MAST1: variants seen among roughly 807,000 people sequenced by gnomAD.
MAST1 encodes the protein microtubule associated serine/threonine kinase 1.
A neutral mutation model predicts 124.6 loss-of-function variants in MAST1; 40 were observed. The ratio of observed to expected loss-of-function variants is 0.32; its 90% CI spans 0.25 to 0.42. MAST1 has a LOEUF of 0.42. Ranked by LOEUF, MAST1 falls within the 10% of genes least tolerant of loss-of-function variation. MAST1 has a pLI of 1.00. For missense variants in MAST1, 1,558 were observed against 2,181.9 expected (o/e 0.71, Z 5.70); for synonymous variants, 938 against 939.4 (o/e 1.00, Z 0.03).
Position 12,852,379 on chromosome 19 carries a change from A to G in MAST1, c.1061A>G (p.Gln354Arg). The G allele has an allele frequency of 6.2e-7, 1 of 1,614,108 alleles. No individual in the cohort carries two copies. The highest frequency in any genetic ancestry group is 8.5e-7 in the Non-Finnish European group (1 of 1,180,010). ...QDSGGSNTPE[Q>R]DDLSEGRSSK... ...AGTGGTGGTTCCAACACCCCTGAGC[A>G]AGACGATCTCTCTGAGGTAAGGCTG... Residue 354 changes from glutamine (Q) to arginine (R), a missense_variant, in exon 10 of 26, where the codon CAA becomes CGA. By Grantham distance (43) the Gln-to-Arg change is conservative (BLOSUM62 1). Around this residue, in one of 10 missense-constraint regions of MAST1, gnomAD observed 136 missense variants for 160.9 expected, o/e 0.85. Transcript: ENST00000251472.
In MAST1 at chr19:12,865,925, G is replaced by T. The variant is rs1465909825; in HGVS notation, c.1907-55G>T. 2 of 1,611,488 alleles carry T rather than the reference G, an allele frequency of 1.2e-6. No homozygotes were observed. Among genetic ancestry groups the T allele is most frequent in the Non-Finnish European group, 1.7e-6 (2 of 1,178,604 alleles). ...CCCCGGGGCGGAAGACATGGGGGGCGGGGCTGGGCTGCTGGGTTGGCCATC... is the reference window on the plus strand; with the variant it reads ...CCCCGGGGCGGAAGACATGGGGGGCTGGGCTGGGCTGCTGGGTTGGCCATC... On this transcript the variant is annotated intron_variant, in intron 16 of 25. Transcript: ENST00000251472. This position sits in a 1 kb window ranked among gnomAD's most constrained non-coding sequence, Gnocchi z 7.1.
In MAST1 at chr19:12,873,958, C is replaced by G. The variant is rs780091132; in HGVS notation, c.3801C>G (p.Ala1267=). ...RSPLLKRVQS[A]EKLGASLSAD... is the part of the protein sequence containing the mutation. The stretch of plus-strand genomic sequence containing the variant: ...CGCTCCTCAAGCGCGTGCAGTCGGC[C>G]GAGAAGCTGGGAGCCTCTTTGAGTG... Residue 1267 remains alanine (A), a synonymous_variant, in exon 26 of 26, where the codon GCC becomes GCG. Coordinates refer to ENST00000251472, the MANE Select transcript of MAST1 (RefSeq NM_014975.3). 9 of 1,597,408 alleles carry G rather than the reference C, an allele frequency of 5.6e-6. No individual in the cohort carries two copies. In the East Asian group the frequency reaches 1.6e-4, roughly 28 times the overall value.
In MAST1 at chr19:12,843,434, C is replaced by G; in HGVS notation, c.249-95C>G. On this transcript the variant is annotated intron_variant, in intron 3 of 25. Coordinates refer to ENST00000251472, the MANE Select transcript of MAST1 (RefSeq NM_014975.3). The surrounding 1 kb of genome is among the most constrained non-coding windows in gnomAD (Gnocchi z 4.9). ...GAGTGCAGATATATTCCCCCAACCC[C>G]CACCCTGGCCCTGGCCAGTGGCTTC... 1 of 888,054 alleles carries G rather than the reference C, an allele frequency of 1.1e-6. No individual in the cohort carries two copies. Among genetic ancestry groups the G allele is most frequent in the Non-Finnish European group, 1.8e-6 (1 of 552,714 alleles). The allele number at this position is 888,054 out of a possible 1,614,324, so 55.0% of individuals were successfully genotyped here.
In MAST1 at chr19:12,865,222, GCAGGACCTCGGGAACC is replaced by G. The variant is rs778310258; in HGVS notation, c.1638+49_1638+64del. 3.1e-6 allele frequency: 5 copies of G among 1,600,906 alleles called. No homozygotes were observed. Among genetic ancestry groups the G allele is most frequent in the Non-Finnish European group, 4.3e-6 (5 of 1,172,388 alleles). The stretch of plus-strand genomic sequence containing the variant: ...GGGTCGCTGAGGGTGGAGTGACCCT[GCAGGACCTCGGGAACC>G]CAGGGCCTGGTGGGGGGCACAGCTC... On this transcript the variant is annotated intron_variant, in intron 14 of 25. Coordinates refer to ENST00000251472, the MANE Select transcript of MAST1 (RefSeq NM_014975.3). This position sits in a 1 kb window ranked among gnomAD's most constrained non-coding sequence, Gnocchi z 7.1.
chr19:12,867,251 T>A (rs1337569359), intron 18 of MAST1, among the ~76,000 whole-genome samples: 1 of 151,944 alleles, frequency 6.6e-6, no homozygotes, highest in Admixed American at 6.6e-5. Context: ...AGCAGATTGG[T>A]CAGGGCATCG....
chr19:12,848,197 G>A, intron 7 of MAST1, 140 bp downstream of exon 7: 1 of 736,044 alleles, frequency 1.4e-6, no homozygotes, highest in Non-Finnish European at 2.2e-6. Context: ...GGACTCAGGG[G>A]TGGAAGTGGT....
In MAST1 at chr19:12,858,714, C is replaced by T; in HGVS notation, c.1341C>T (p.Leu447=). The part of the protein sequence containing the change: ...MFCSFETRRH[L]CMVMEYVEGG... The stretch of plus-strand genomic sequence containing the variant: ...GCTCCTTTGAGACTCGGCGCCACCT[C>T]TGCATGGTCATGGAATATGTGGAAG... The change falls in exon 12 of 26, where the codon CTC becomes CTT. Residue 447 remains leucine (L), a synonymous_variant. Coordinates refer to ENST00000251472, the MANE Select transcript of MAST1 (RefSeq NM_014975.3). The T allele has an allele frequency of 6.2e-7, 1 of 1,614,190 alleles. No individual in the cohort carries two copies.
chr19:12,867,449 A>G, intron 18 of MAST1, 25 bp from the exon 19 acceptor site: 1 of 1,611,444 alleles, frequency 6.2e-7, no homozygotes, highest in East Asian at 2.2e-5. Context: ...CCCGGGCTGG[A>G]CTTGCCTCCC....
chr19:12,868,005 C>T, intron 20 of MAST1, 28 bp downstream of exon 20: 1 of 1,511,756 alleles, frequency 6.6e-7, no homozygotes, highest in Non-Finnish European at 8.8e-7. Context: ...CTGCCTTCCC[C>T]AATCTTCCCC....
chr19:12,848,210 C>G, intron 7 of MAST1, 153 bp downstream of exon 7: 1 of 667,372 alleles, frequency 1.5e-6, no homozygotes, highest in South Asian at 1.9e-5. Flanking sequence ...GAAGTGGTCC[C>G]TTCCCTAGGT....
rs1217196172 is a variant in MAST1, at chr19:12,852,198, C to A, written c.960C>A (p.Ile320=). The change falls in exon 9 of 26, where the codon ATC becomes ATA. Residue 320 remains isoleucine (I), a synonymous_variant. Coordinates refer to ENST00000251472, the MANE Select transcript of MAST1 (RefSeq NM_014975.3). ...AGGGCCACCTTGTGAAGACGGACATCCCCCGCTACATCATCCGCCAGCTGG... is the reference window on the plus strand; with the variant it reads ...AGGGCCACCTTGTGAAGACGGACATACCCCGCTACATCATCCGCCAGCTGG... The part of the protein sequence containing the change: ...AKEGHLVKTD[I]PRYIIRQLGL... 5.0e-6 allele frequency: 8 copies of A among 1,614,078 alleles called. No homozygotes were observed. The highest frequency in any genetic ancestry group is 1.6e-4 in the Middle Eastern group (1 of 6,062).
intron 1 of MAST1, among the ~76,000 whole-genome samples, chr19:12,839,673 G>A (rs1969802791): frequency 6.6e-6 from 1 of 152,224 alleles, no homozygotes; most frequent in Non-Finnish European, 1.5e-5. Context: ...CATGGTGAAT[G>A]TCACACCCAG....
rs1225203775 is a variant in MAST1, at chr19:12,874,299, C to T, written c.4142C>T (p.Thr1381Ile). 1 of 1,593,760 alleles carries T rather than the reference C, an allele frequency of 6.3e-7. No individual in the cohort carries two copies. Among genetic ancestry groups the T allele is most frequent in the Non-Finnish European group, 8.5e-7 (1 of 1,176,206 alleles). The change falls in exon 26 of 26, where the codon ACC becomes ATC. Residue 1381 changes from threonine (T) to isoleucine (I), a missense_variant. Physicochemically the swap from Thr to Ile is moderately conservative, Grantham distance 89 (BLOSUM62 -1). Coordinates refer to ENST00000251472, the MANE Select transcript of MAST1 (RefSeq NM_014975.3). This position sits in a 1 kb window ranked among gnomAD's most constrained non-coding sequence, Gnocchi z 6.6. ...CGCGCGACGACCCCCGGTGGCCGGA[C>T]CCTGGAGCGGGACGTCGGCTGCACG... ...PPRATTPGGR[T>I]LERDVGCTRH...
chr19:12,864,703 T>G, intron 12 of MAST1, 106 bp from the exon 13 acceptor site: 1 of 1,454,678 alleles, frequency 6.9e-7, no homozygotes, highest in African/African-American at 1.4e-5. Flanking sequence ...TCAGTTTCCC[T>G]TATCTATAAA....
rs772522332 is a variant in MAST1, at chr19:12,873,677, C to T, written c.3520C>T (p.His1174Tyr). 6 of 1,599,124 alleles carry T rather than the reference C, an allele frequency of 3.8e-6. No individual in the cohort carries two copies. The highest frequency in any genetic ancestry group is 5.1e-6 in the Non-Finnish European group (6 of 1,176,728). Residue 1174 changes from histidine (H) to tyrosine (Y), a missense_variant, in exon 26 of 26, where the codon CAC (histidine) becomes TAC (tyrosine). Physicochemically the swap from His to Tyr is moderately conservative, Grantham distance 83 (BLOSUM62 2). Coordinates refer to ENST00000251472, the MANE Select transcript of MAST1 (RefSeq NM_014975.3). ...CTCGCCTGCGTCGTCGGCGTCGCAC[C>T]ACATTCGGCCCAGCACGCTGCACGG... ...PNSPASSASH[H>Y]IRPSTLHGLS...
intron 10 of MAST1, among the ~76,000 whole-genome samples, chr19:12,853,508 A>T (rs909181855): frequency 6.6e-6 from 1 of 151,878 alleles, no homozygotes; most frequent in Non-Finnish European, 1.5e-5. Context: ...GTAAGCCATG[A>T]TCACACCACT....
At chr19:12,854,822 A>G (rs946560586) in intron 10 of MAST1, among the ~76,000 whole-genome samples, 2 of 152,178 alleles carry the variant, frequency 1.3e-5, no homozygotes, top group African/African-American at 2.4e-5. Flanking sequence ...CAGCATGGGG[A>G]AAATTGCCAA....
Position 12,865,760 on chromosome 19 carries a change from G to C in MAST1, c.1848G>C (p.Glu616Asp). ...WPEGDEALPT[E>D]AQLLISSLLQ... ...AGGGGGATGAGGCCCTACCTACGGAGGCCCAACTCCTCATATCCAGCCTCC... is the reference window on the plus strand; with the variant it reads ...AGGGGGATGAGGCCCTACCTACGGACGCCCAACTCCTCATATCCAGCCTCC... The change falls in exon 16 of 26, where the codon GAG becomes GAC. Residue 616 changes from glutamate to aspartate, a missense_variant. This residue lies in a region of MAST1 where 145 missense variants were observed against 350.0 expected (regional missense o/e 0.41). Coordinates refer to ENST00000251472, the MANE Select transcript of MAST1 (RefSeq NM_014975.3). The surrounding 1 kb of genome is among the most constrained non-coding windows in gnomAD (Gnocchi z 7.1). 6.2e-7 allele frequency: 1 copy of C among 1,613,888 alleles called. No homozygotes were observed. Among genetic ancestry groups the C allele is most frequent in the Non-Finnish European group, 8.5e-7 (1 of 1,179,918 alleles).
chr19:12,872,310 A>G (rs1204532811), intron 24 of MAST1, among the ~76,000 whole-genome samples: 1 of 152,110 alleles, frequency 6.6e-6, no homozygotes, highest in Non-Finnish European at 1.5e-5. Context: ...TTTGGCCCAG[A>G]CAAGTACAGG....
Sources: gnomAD v4.1 joint callset for allele counts (sites outside exome capture counted in the v4.1 genomes callset) on GRCh38, gnomAD v4.1.1 for gene constraint, gnomAD v4.1.1 regional missense constraint, Gnocchi (gnomAD v3.1) non-coding constraint, MANE v1.5 for transcripts, NCBI Gene and HGNC (gene_info 2026-07-23, HGNC 2026-07-21) for gene names.